ZNF235: variants seen among roughly 807,000 people sequenced by gnomAD.
The protein encoded by ZNF235 is zinc finger protein 235, also known as zfp-93.
A neutral mutation model predicts 29.4 loss-of-function variants in ZNF235; 25 were observed. The ratio of observed to expected loss-of-function variants is 0.85; its 90% confidence interval spans 0.62 to 1.19. The LOEUF is 1.19. Among genes scored for constraint, ZNF235 ranks in the 50% most tolerant of loss-of-function variants. ZNF235 has a pLI of 0.00. For synonymous variants in ZNF235, 300 were observed against 295.3 expected (o/e 1.02, Z -0.16); for missense variants, 788 against 885.0 (o/e 0.89, Z 1.39).
intron 2 of ZNF235, among the ~76,000 whole-genome samples, chr19:44,302,862 TTA>T (rs1242676152): frequency 2.8e-5 from 2 of 70,268 alleles, no homozygotes; most frequent in South Asian, 5.0e-4. Context: ...AAATATATAC[TTA>T]TATATATTTG....
Position 44,288,734 on chromosome 19 carries a change from T to G in ZNF235, c.701A>C (p.Lys234Thr). The change falls in exon 5 of 5, where the codon AAA (lysine) becomes ACA (threonine). Residue 234 changes from lysine to threonine, a missense_variant. Physicochemically the swap from Lys to Thr is moderately conservative, Grantham distance 78. Coordinates refer to ENST00000291182, the MANE Select transcript of ZNF235 (RefSeq NM_004234.4). ...HDDNIVHKRD[K>T]VHSNSDCGKD... The stretch of plus-strand genomic sequence containing the variant: ...ACCACAATCACTATTGCTATGAACT[T>G]TATCTCTTTTGTGCACTATATTATC... 2.5e-6 allele frequency: 4 copies of G among 1,614,114 alleles called. No homozygotes were observed. The highest frequency in any genetic ancestry group is 3.4e-6 in the Non-Finnish European group (4 of 1,180,012).
intron 2 of ZNF235, among the ~76,000 whole-genome samples, chr19:44,302,982 TTATATATAAATATATACATA>T (rs1568647649): frequency 8.5e-6 from 1 of 117,032 alleles, no homozygotes; most frequent in African/African-American, 4.7e-5. Context: ...ATGTATATAT[TTATATATAAATATATACATA>T]TATACGTATA....
chr19:44,297,047 C>A (rs1975663235), intron 4 of ZNF235: 1 of 152,178 alleles, frequency 6.6e-6, no homozygotes, highest in Non-Finnish European at 1.5e-5. Context: ...AACATCATAA[C>A]CTTATACCTT....
chr19:44,289,024 A>G lies in ZNF235; in HGVS notation c.411T>C (p.His137=). The G allele has an allele frequency of 1.2e-6, 2 of 1,614,168 alleles. No homozygotes were observed. The highest frequency in any genetic ancestry group is 1.7e-6 in the Non-Finnish European group (2 of 1,180,010). Residue 137 remains histidine, a synonymous_variant, in exon 5 of 5, where the codon CAT becomes CAC. Coordinates refer to ENST00000291182, the MANE Select transcript of ZNF235 (RefSeq NM_004234.4). ...EGKSSQFPKH[H]DSPCQVGAGE... ...CTGCTCCCACTTGACAGGGGGAATCATGGTGCTTGGGGAACTGAGAGCTCT... is the reference window on the plus strand; with the variant it reads ...CTGCTCCCACTTGACAGGGGGAATCGTGGTGCTTGGGGAACTGAGAGCTCT...
At chr19:44,301,955 A>G (rs868071334) in intron 2 of ZNF235, among the ~76,000 whole-genome samples, 1 of 152,252 alleles carries the variant, frequency 6.6e-6, no homozygotes, top group Non-Finnish European at 1.5e-5. Flanking sequence ...TCCTAGTGCT[A>G]TAAGACTTTT....
At chr19:44,290,791 G>A (rs577110038) in intron 4 of ZNF235, 1 of 153,902 alleles carries the variant, frequency 6.5e-6, no homozygotes, top group East Asian at 1.9e-4. Context: ...GCAGGGAACT[G>A]GGGACTGAAG....
intron 2 of ZNF235, among the ~76,000 whole-genome samples, chr19:44,303,053 TA>T (rs1190212964): frequency 1.4e-5 from 2 of 140,812 alleles, no homozygotes; most frequent in Non-Finnish European, 3.0e-5. Context: ...TACATTTATA[TA>T]AAATATACGT....
At chr19:44,300,795 A>C (rs1975725543) in intron 2 of ZNF235, among the ~76,000 whole-genome samples, 1 of 149,096 alleles carries the variant, frequency 6.7e-6, no homozygotes, top group African/African-American at 2.5e-5. Flanking sequence ...AGCCAAGATC[A>C]TGTCACTGCA....
rs527651016 is a variant in ZNF235 at position 44,286,935 on chromosome 19, C to T, written c.*283G>A. 21 of 304,626 alleles carry T rather than the reference C, an allele frequency of 6.9e-5. No homozygotes were observed. The highest frequency in any genetic ancestry group is 1.4e-4 in the Admixed American group (3 of 22,012). The allele number at this position is 304,626 out of a possible 1,614,324, so 18.9% of individuals were successfully genotyped here. On this transcript the variant is annotated 3_prime_UTR_variant, in exon 5 of 5. Transcript: ENST00000291182. The stretch of plus-strand genomic sequence containing the variant: ...CTCTCCTGTGCAGACTCCGACAAGA[C>T]TTTTCTGCTGTGTTACATCTTGAGA...
chr19:44,287,143 C>A lies in ZNF235; in HGVS notation c.*75G>T, dbSNP rs796518487. On this transcript the variant is annotated 3_prime_UTR_variant, in exon 5 of 5. Transcript: ENST00000291182. ...CTTCTAGTTTTAAAGGAACTTTTCA[C>A]AATCATCAGCATGGACTTCCCAACG... is the stretch of plus-strand genomic sequence containing the variant. The A allele has an allele frequency of 9.0e-6, 13 of 1,437,768 alleles. No homozygotes were observed. The African/African-American group carries it at 1.7e-4, about 19-fold the overall frequency. The allele number at this position is 1,437,768 out of a possible 1,614,324, so 89.1% of individuals were successfully genotyped here. A position where few individuals can be genotyped will look rare whatever the true frequency, so the allele number is the denominator to read the frequency against.
intron 2 of ZNF235, among the ~76,000 whole-genome samples, chr19:44,301,470 T>C (rs1291050718): frequency 7.3e-6 from 1 of 136,466 alleles, no homozygotes; most frequent in African/African-American, 2.9e-5. Flanking sequence ...CTGAATAGTC[T>C]CTTTTTTTTT....
At chr19:44,292,079 A>C (rs1039328939) in intron 4 of ZNF235, among the ~76,000 whole-genome samples, 1 of 152,120 alleles carries the variant, frequency 6.6e-6, no homozygotes, top group Non-Finnish European at 1.5e-5. Flanking sequence ...TCAAGAATGC[A>C]AGGCTGATTT....
intron 1 of ZNF235, 151 bp downstream of exon 1, chr19:44,304,820 C>T: frequency 2.0e-6 from 2 of 985,482 alleles, no homozygotes; most frequent in Middle Eastern, 5.2e-4. Context: ...AGAGGTTCTG[C>T]CGAGGGGACG....
intron 4 of ZNF235, among the ~76,000 whole-genome samples, chr19:44,292,378 G>T (rs190127746): frequency 6.6e-6 from 1 of 151,498 alleles, no homozygotes. Context: ...AAAGAGATAG[G>T]TATCTTTTTT....
Position 44,302,767 on chromosome 19 carries a change from C to CAT in ZNF235, c.15+621_15+622dup, listed in dbSNP as rs56300217. ...AAATATATATAGAGATTTATATTTA[C>CAT]ATATATATATATATATAAAACTATA... On this transcript the variant is annotated intron_variant, in intron 2 of 4. Transcript: ENST00000291182. Among the ~76,000 whole-genome samples, 1,110 of 140,766 alleles carry CAT rather than the reference C, an allele frequency of 7.9e-3. 11 individuals carry two copies. The highest frequency in any genetic ancestry group is 0.011 in the Non-Finnish European group (733 of 65,620). The allele number at this position is 140,766 out of a possible 152,430, so 92.3% of individuals were successfully genotyped here.
Position 44,288,443 on chromosome 19 carries a change from C to T in ZNF235, c.992G>A (p.Ser331Asn), listed in dbSNP as rs1427624598. 2 of 1,614,218 alleles carry T rather than the reference C, an allele frequency of 1.2e-6. No individual in the cohort carries two copies. Among genetic ancestry groups the T allele is most frequent in the Non-Finnish European group, 8.5e-7 (1 of 1,180,034 alleles). ...CHECGKGFSQ[S>N]SNLQTHQRVH... is the part of the protein sequence containing the mutation. ...TCTCTGATGAGTTTGCAGATTTGAG[C>T]TCTGACTGAAACCTTTACCACATTC... Residue 331 changes from serine (S) to asparagine (N), a missense_variant, in exon 5 of 5, where the codon AGC becomes AAC. Ser to Asn is a conservative substitution (Grantham distance 46). Coordinates refer to ENST00000291182, the MANE Select transcript of ZNF235 (RefSeq NM_004234.4).
rs773647741 is a variant in ZNF235, at chr19:44,288,315, G to C, written c.1120C>G (p.Pro374Ala). The part of the protein sequence containing the change: ...AHLPIHTGEK[P>A]YRCDSCGKGF... ...TTCCCACAACTGTCACATCTATAGG[G>C]CTTCTCTCCTGTGTGAATAGGCAAA... is the stretch of plus-strand genomic sequence containing the variant. Residue 374 changes from proline to alanine, a missense_variant, in exon 5 of 5, where the codon CCC becomes GCC. Pro to Ala is a conservative substitution (Grantham distance 27, BLOSUM62 -1). Coordinates refer to ENST00000291182, the MANE Select transcript of ZNF235 (RefSeq NM_004234.4). 6.2e-7 allele frequency: 1 copy of C among 1,614,010 alleles called. No homozygotes were observed. Among genetic ancestry groups the C allele is most frequent in the Non-Finnish European group, 8.5e-7 (1 of 1,180,002 alleles).
In ZNF235 at chr19:44,299,668, G is replaced by C. The variant is rs374842884; in HGVS notation, c.80C>G (p.Ser27Cys). Residue 27 changes from serine (S) to cysteine (C), a missense_variant, in exon 3 of 5, where the codon TCT (serine) becomes TGT (cysteine). Ser to Cys is a moderately radical substitution (Grantham distance 112). Transcript: ENST00000291182. ...FTEEELGLLD[S>C]AQRKLYRDVM... ...ATCTCGGTACAGCTTCCTCTGGGCA[G>C]AGTCCAGCAGCCCCAGCTCCTCCTC... 1.5e-5 allele frequency: 25 copies of C among 1,614,042 alleles called. No individual in the cohort carries two copies. The highest frequency in any genetic ancestry group is 2.7e-5 in the African/African-American group (2 of 74,916).
At position 44,288,086 on chromosome 19, in the gene ZNF235, T is replaced by C. The variant is rs1428741397; in HGVS notation, c.1349A>G (p.Gln450Arg). The C allele has an allele frequency of 6.2e-7, 1 of 1,614,098 alleles. No individual in the cohort carries two copies. The highest frequency in any genetic ancestry group is 8.5e-7 in the Non-Finnish European group (1 of 1,180,048). ...TGGTTTTTCTTCAGTGTGGACTCTCTGATGGGTATGAAGATTTGAGCTACA... is the reference window on the plus strand; with the variant it reads ...TGGTTTTTCTTCAGTGTGGACTCTCCGATGGGTATGAAGATTTGAGCTACA... Reference protein sequence around the residue: ...FSCSSNLHTHQRVHTEEKPYK... With the variant: ...FSCSSNLHTHRRVHTEEKPYK... The change falls in exon 5 of 5, where the codon CAG (glutamine) becomes CGG (arginine). Residue 450 changes from glutamine (Q) to arginine (R), a missense_variant. Physicochemically the swap from Gln to Arg is conservative, Grantham distance 43 (BLOSUM62 1). Transcript: ENST00000291182.
Sources: allele counts gnomAD v4.1 joint callset (sites outside exome capture counted in the v4.1 genomes callset), GRCh38; gene constraint gnomAD v4.1.1; transcripts MANE v1.5; gene names NCBI Gene and HGNC (gene_info 2026-07-23, HGNC 2026-07-21).